Variants in CSMD1 observed in about 807,000 individuals in gnomAD.
The protein encoded by CSMD1 is CUB and Sushi multiple domains 1.
In CSMD1, 213 loss-of-function variants were observed where a neutral mutation model predicts 417.5. The observed-to-expected ratio is 0.51, with a 90% CI of 0.46 to 0.57. CSMD1 has a LOEUF of 0.57. CSMD1 is among the 20% of genes least tolerant of loss of function. The probability of loss-of-function intolerance (pLI) is 0.00; values close to 1 mark genes in which losing one functional copy is unlikely to be tolerated. For missense variants in CSMD1, 6,923 were observed against 4,529.7 expected, an observed-to-expected ratio of 1.53 and a Z score of -15.17; for synonymous variants, 2,862 against 1,736.8, an observed-to-expected ratio of 1.65 and a Z score of -16.11.
intron 20 of CSMD1, among the ~76,000 whole-genome samples, chr8:3,363,960 C>A (rs901566315): frequency 6.6e-6 from 1 of 152,144 alleles, no homozygotes; most frequent in African/African-American, 2.4e-5. Flanking sequence ...CCGTTAACAT[C>A]TGCAGAAATA....
intron 3 of CSMD1, among the ~76,000 whole-genome samples, chr8:4,194,189 T>A (rs369596082): frequency 6.6e-6 from 1 of 152,178 alleles, no homozygotes; most frequent in East Asian, 1.9e-4. Flanking sequence ...GTACATGTCA[T>A]ACCTGACACT....
At chr8:3,169,985 G>C (rs574468316) in intron 37 of CSMD1, among the ~76,000 whole-genome samples, 25 of 152,222 alleles carry the variant, frequency 1.6e-4, no homozygotes, top group Middle Eastern at 3.4e-3. Context: ...TAAATGTTTA[G>C]CCAACTGAGT....
chr8:4,370,866 C>G (rs141274396), intron 3 of CSMD1, among the ~76,000 whole-genome samples: 46 of 152,288 alleles, frequency 3.0e-4, no homozygotes, highest in Admixed American at 5.9e-4. Flanking sequence ...TTTCAACCTC[C>G]TCTTGTATCT....
chr8:4,318,237 G>T (rs188229520), intron 3 of CSMD1, among the ~76,000 whole-genome samples: 1 of 152,150 alleles, frequency 6.6e-6, no homozygotes, highest in African/African-American at 2.4e-5. Context: ...TTTTGTCACT[G>T]TAGAAAGAAA....
intron 7 of CSMD1, among the ~76,000 whole-genome samples, chr8:3,666,791 TTGTGAGGCCTCCTCAGCCATGTGGAAC>T (rs536977012): frequency 8.6e-4 from 131 of 152,324 alleles, no homozygotes; most frequent in African/African-American, 3.0e-3. Context: ...TCCATCATGA[TTGTGAGGCCTCCTCAGCCATGTGGAAC>T]TGTGAGTCCA....
At chr8:4,925,450 C>T (rs949167631) in intron 1 of CSMD1, among the ~76,000 whole-genome samples, 1 of 151,818 alleles carries the variant, frequency 6.6e-6, no homozygotes. Flanking sequence ...TTAATCATTT[C>T]AAAATCAACC....
intron 5 of CSMD1, among the ~76,000 whole-genome samples, chr8:3,927,201 G>A (rs898202435): frequency 2.6e-5 from 4 of 151,764 alleles, no homozygotes; most frequent in Admixed American, 2.0e-4. Context: ...ATATCTAACA[G>A]CTTCTAATAA....
chr8:4,682,735 G>A (rs116612561), intron 1 of CSMD1, among the ~76,000 whole-genome samples: 4,004 of 151,354 alleles, frequency 0.026, 143 homozygotes, highest in African/African-American at 0.084. Flanking sequence ...CCAATATTAC[G>A]TTGCTGTCTT....
chr8:3,387,735 A>G, intron 17 of CSMD1, 53 bp from the exon 18 acceptor site: 1 of 1,439,712 alleles, frequency 6.9e-7, no homozygotes. Context: ...TTGATTGAAA[A>G]TAATAGAGAC....
chr8:4,844,716 G>T (rs751867807), intron 1 of CSMD1, among the ~76,000 whole-genome samples: 1 of 152,146 alleles, frequency 6.6e-6, no homozygotes, highest in Non-Finnish European at 1.5e-5. Flanking sequence ...ACAACTAATT[G>T]TAGTGATAAT....
In CSMD1 at chr8:4,037,654, G is replaced by A. The variant is rs565495876; in HGVS notation, c.416-5555C>T. On this transcript the variant is annotated intron_variant, in intron 3 of 69. Transcript: ENST00000635120. Reference sequence around the variant, plus strand: ...TCAGGTGTGCTTATCTACTGAAAATGTTTTCCCATCAGTATTGATTTTAAA... The same window carrying A: ...TCAGGTGTGCTTATCTACTGAAAATATTTTCCCATCAGTATTGATTTTAAA... Among the ~76,000 whole-genome samples the A allele has an allele frequency of 6.6e-5, 10 of 152,164 alleles. No individual in the cohort carries two copies. The South Asian group carries it at 8.3e-4, about 13-fold the overall frequency.
At chr8:3,560,251 C>A (rs756372142) in intron 10 of CSMD1, among the ~76,000 whole-genome samples, 1 of 152,102 alleles carries the variant, frequency 6.6e-6, no homozygotes, top group Non-Finnish European at 1.5e-5. Flanking sequence ...ATAATATTAA[C>A]AGTAGTACTG....
At chr8:3,429,631 T>C (rs148220426) in intron 12 of CSMD1, among the ~76,000 whole-genome samples, 64 of 152,350 alleles carry the variant, frequency 4.2e-4, no homozygotes, top group African/African-American at 1.4e-3. Flanking sequence ...AAACAAGGGT[T>C]GATGTTTATC....
In CSMD1 at chr8:3,019,307, C is replaced by T. The variant is rs190369130; in HGVS notation, c.7856-657G>A. ...AGTATACAAAGTATAAATGCAGAAG[C>T]GTGTCAATCAAATAAATTGTCTATC... On this transcript the variant is annotated intron_variant, in intron 51 of 69. Coordinates refer to ENST00000635120, the MANE Select transcript of CSMD1 (RefSeq NM_033225.6). 9.2e-5 allele frequency among the ~76,000 whole-genome samples: 14 copies of T among 152,244 alleles called. No individual in the cohort carries two copies. The East Asian group carries it at 1.4e-3, about 15-fold the overall frequency.
At chr8:3,226,193 T>C (rs1585712179) in intron 27 of CSMD1, among the ~76,000 whole-genome samples, 1 of 152,206 alleles carries the variant, frequency 6.6e-6, no homozygotes, top group African/African-American at 2.4e-5. Flanking sequence ...AGGATACATT[T>C]TGGCTTTTCA....
chr8:3,881,237 A>C (rs1806183573), intron 5 of CSMD1, among the ~76,000 whole-genome samples: 1 of 143,992 alleles, frequency 6.9e-6, no homozygotes, highest in Non-Finnish European at 1.5e-5. Flanking sequence ...CCCAAACCTC[A>C]ACAGAGTTTT....
intron 3 of CSMD1, among the ~76,000 whole-genome samples, chr8:4,400,252 G>C (rs1009949681): frequency 6.6e-6 from 1 of 152,162 alleles, no homozygotes; most frequent in Non-Finnish European, 1.5e-5. Context: ...AGAAGTTCTG[G>C]CTCTCTGGTT....
chr8:4,908,696 A>T (rs1439807253), intron 1 of CSMD1, among the ~76,000 whole-genome samples: 1 of 149,192 alleles, frequency 6.7e-6, no homozygotes, highest in East Asian at 2.0e-4. Context: ...CAATGAGTCC[A>T]TCAGAGGTAT....
chr8:3,969,016 C>G (rs1041492890), intron 5 of CSMD1, among the ~76,000 whole-genome samples: 12 of 152,086 alleles, frequency 7.9e-5, no homozygotes, highest in African/African-American at 2.9e-4. Flanking sequence ...TTTGGAAGGC[C>G]GAGGCAGGTG....
Sources: allele counts gnomAD v4.1 joint callset (sites outside exome capture counted in the v4.1 genomes callset), GRCh38; gene constraint gnomAD v4.1.1; transcripts MANE v1.5; gene names NCBI Gene and HGNC (gene_info 2026-07-23, HGNC 2026-07-21).